The following STK33 variants were observed in gnomAD, a reference collection of about 807,000 sequenced individuals.
STK33 encodes serine/threonine-protein kinase 33.
STK33 carries 52 observed loss-of-function variants against 58.0 expected under a neutral mutation model. The ratio of observed to expected loss-of-function variants is 0.90; its 90% CI spans 0.72 to 1.13. STK33 has a LOEUF of 1.13. Among genes scored for constraint, STK33 ranks in the 50% most tolerant of loss-of-function variants. The pLI, the probability that STK33 is intolerant of heterozygous loss-of-function variation, is 0.00. For missense variants in STK33, 630 were observed against 604.2 expected, an observed-to-expected ratio of 1.04 and a Z score of -0.45; for synonymous variants, 215 against 200.1, an observed-to-expected ratio of 1.07 and a Z score of -0.63.
intron 2 of STK33, among the ~76,000 whole-genome samples, chr11:8,479,296 G>C (rs1222166092): frequency 6.6e-6 from 1 of 152,000 alleles, no homozygotes; most frequent in Non-Finnish European, 1.5e-5. Flanking sequence ...AGCTGGGTGT[G>C]GTGGCATGCA....
At chr11:8,364,991 T>C in the STK33 span, among the ~76,000 whole-genome samples, 8 of 125,236 alleles carry the variant, frequency 6.4e-5, no homozygotes, top group African/African-American at 2.4e-4. Context: ...CTGAGCCACA[T>C]CTATGAAGAG....
In STK33 at chr11:8,594,125, CGGCGCA is replaced by C. The variant is rs2033056876; in HGVS notation, c.-514_-509del. 1 of 152,340 alleles carries C rather than the reference CGGCGCA, an allele frequency of 6.6e-6. No individual in the cohort carries two copies. The highest frequency in any genetic ancestry group is 1.5e-5 in the Non-Finnish European group (1 of 68,130). 9.4% of individuals were successfully genotyped at this position (152,340 alleles called of 1,614,324 possible). ...CGGGTCTCCGACAGGTGCGCACACT[CGGCGCA>C]GGCTGTCGCTGAGCCCGGAATTCTG... On this transcript the variant is annotated 5_prime_UTR_variant, in exon 1 of 16. Transcript: ENST00000687296.
chr11:8,443,409 C>G (rs546147452), intron 11 of STK33, among the ~76,000 whole-genome samples: 12 of 152,216 alleles, frequency 7.9e-5, no homozygotes, highest in African/African-American at 2.9e-4. Flanking sequence ...CAATCACCTA[C>G]CACAATAAAG....
intron 1 of STK33, among the ~76,000 whole-genome samples, chr11:8,491,635 A>G (rs1030207379): frequency 2.6e-5 from 4 of 152,328 alleles, no homozygotes; most frequent in East Asian, 3.9e-4. Context: ...CCCAAGACAC[A>G]TAATTGTCAG....
At chr11:8,386,590 C>T in the STK33 span, among the ~76,000 whole-genome samples, 2 of 152,204 alleles carry the variant, frequency 1.3e-5, no homozygotes, top group South Asian at 2.1e-4. Context: ...GTGGCACCAT[C>T]CCCCGCTGCT....
At chr11:8,422,105 T>C (rs557516354) in intron 14 of STK33, among the ~76,000 whole-genome samples, 107 of 152,308 alleles carry the variant, frequency 7.0e-4, no homozygotes, top group African/African-American at 2.5e-3. Context: ...CCTTCTCGCA[T>C]TTCCTATTCA....
intron 15 of STK33, among the ~76,000 whole-genome samples, chr11:8,399,139 T>C (rs1849918567): frequency 1.3e-5 from 2 of 152,310 alleles, no homozygotes; most frequent in South Asian, 2.1e-4. Flanking sequence ...TACAGAACTT[T>C]CCACCCCAAA....
At chr11:8,505,079 A>AT (rs1236958596) in intron 1 of STK33, among the ~76,000 whole-genome samples, 1 of 152,082 alleles carries the variant, frequency 6.6e-6, no homozygotes, top group East Asian at 1.9e-4. Flanking sequence ...ATCAGAGCTT[A>AT]TTTTTCTGGA....
rs1026117262 is a variant in STK33 at position 8,499,431 on chromosome 11, G to A, written c.-465-18817C>T. On this transcript the variant is annotated intron_variant, in intron 1 of 15. Coordinates refer to ENST00000687296, the MANE Select transcript of STK33 (RefSeq NM_001352389.2). The stretch of plus-strand genomic sequence containing the variant: ...AAAAGTCAGGAAACAACAGATACTA[G>A]AGAGGATGTGGAGAAATAGGAGCGC... 3.9e-5 allele frequency among the ~76,000 whole-genome samples: 6 copies of A among 152,336 alleles called. No individual in the cohort carries two copies. The East Asian group carries it at 9.6e-4, about 24-fold the overall frequency.
intron 1 of STK33, among the ~76,000 whole-genome samples, chr11:8,550,808 C>G (rs1018243287): frequency 3.3e-5 from 5 of 152,186 alleles, no homozygotes; most frequent in African/African-American, 1.2e-4. Context: ...AAATTCCAAA[C>G]TTTCCCACAT....
At chr11:8,363,333 C>T in the STK33 span, among the ~76,000 whole-genome samples, 1 of 152,190 alleles carries the variant, frequency 6.6e-6, no homozygotes, top group Non-Finnish European at 1.5e-5. Flanking sequence ...ATAAAGTACA[C>T]ACATTTTCAG....
intron 15 of STK33, among the ~76,000 whole-genome samples, chr11:8,402,237 C>G (rs1248766247): frequency 6.6e-6 from 1 of 152,266 alleles, no homozygotes; most frequent in Non-Finnish European, 1.5e-5. Context: ...CAATGATAGA[C>G]TGGATTAAGA....
At chr11:8,421,581 C>A (rs1470791977) in intron 14 of STK33, among the ~76,000 whole-genome samples, 3 of 152,068 alleles carry the variant, frequency 2.0e-5, no homozygotes, top group African/African-American at 7.2e-5. Context: ...ATTTTTGATC[C>A]TTTAGTCTTC....
At chr11:8,495,458 G>A (rs1233530641) in intron 1 of STK33, among the ~76,000 whole-genome samples, 2 of 152,212 alleles carry the variant, frequency 1.3e-5, no homozygotes, top group African/African-American at 4.8e-5. Context: ...ACAGATACTG[G>A]AGAGGATGTG....
At chr11:8,532,592 G>A (rs1321238330) in intron 1 of STK33, among the ~76,000 whole-genome samples, 1 of 152,146 alleles carries the variant, frequency 6.6e-6, no homozygotes, top group Admixed American at 6.5e-5. Context: ...TGGTTAAGGT[G>A]CAAAACTAAT....
intron 1 of STK33, among the ~76,000 whole-genome samples, chr11:8,562,665 T>A (rs997266247): frequency 3.9e-5 from 6 of 152,310 alleles, no homozygotes; most frequent in African/African-American, 1.4e-4. Context: ...ATTAGTTTCA[T>A]GATAAGGAAT....
At chr11:8,477,956 A>G (rs1949438051) in intron 2 of STK33, among the ~76,000 whole-genome samples, 1 of 152,214 alleles carries the variant, frequency 6.6e-6, no homozygotes, top group East Asian at 1.9e-4. Context: ...TTCTTACCAC[A>G]GCAATTCTAA....
chr11:8,483,496 C>T (rs1565157081), intron 1 of STK33, among the ~76,000 whole-genome samples: 1 of 152,112 alleles, frequency 6.6e-6, no homozygotes, highest in African/African-American at 2.4e-5. Flanking sequence ...AAAGAAAAGG[C>T]TACTGTAATG....
chr11:8,459,264 G>A (rs1947238085), intron 8 of STK33, among the ~76,000 whole-genome samples: 1 of 152,152 alleles, frequency 6.6e-6, no homozygotes, highest in Non-Finnish European at 1.5e-5. Flanking sequence ...CAGTACCATG[G>A]CACAACCAAT....
Sources: allele counts gnomAD v4.1 joint callset (sites outside exome capture counted in the v4.1 genomes callset), GRCh38; gene constraint gnomAD v4.1.1; transcripts MANE v1.5; gene names NCBI Gene and HGNC (gene_info 2026-07-23, HGNC 2026-07-21).